INPP5F: variants seen among roughly 807,000 people sequenced by gnomAD.
INPP5F encodes the protein phosphatidylinositide 4-phosphatase SAC2.
In INPP5F, 97 loss-of-function variants were observed where a neutral mutation model predicts 137.2. That is an observed-to-expected ratio of 0.71 (90% CI 0.60 to 0.84). The LOEUF is 0.84. INPP5F is among the 40% of genes least tolerant of loss of function. INPP5F has a pLI of 0.00. For synonymous variants in INPP5F, 504 were observed against 476.9 expected, an observed-to-expected ratio of 1.06 and a Z score of -0.74; for missense variants, 1,271 against 1,371.9, an observed-to-expected ratio of 0.93 and a Z score of 1.16.
At chr10:119,794,597 C>G (rs1200305528) in intron 6 of INPP5F, among the ~76,000 whole-genome samples, 2 of 150,200 alleles carry the variant, frequency 1.3e-5, no homozygotes, top group Non-Finnish European at 1.5e-5. Context: ...TAGGGGCGGC[C>G]GGGCAAAGGC....
chr10:119,741,824 C>T (rs377556108), intron 1 of INPP5F, among the ~76,000 whole-genome samples: 19 of 152,148 alleles, frequency 1.2e-4, no homozygotes, highest in East Asian at 1.2e-3. Context: ...CGTGAGCCAC[C>T]GTGCCTGGCC....
intron 2 of INPP5F, among the ~76,000 whole-genome samples, chr10:119,769,727 T>A (rs572893677): frequency 1.3e-5 from 2 of 152,188 alleles, no homozygotes; most frequent in African/African-American, 4.8e-5. Flanking sequence ...CGGACTCAGA[T>A]TGGGGCTTAA....
At chr10:119,740,303 G>A (rs1848336901) in intron 1 of INPP5F, among the ~76,000 whole-genome samples, 1 of 152,168 alleles carries the variant, frequency 6.6e-6, no homozygotes. Context: ...AGTCATGCTC[G>A]ATTTACCATT....
At chr10:119,822,819 A>G (rs2134298959) in intron 17 of INPP5F, among the ~76,000 whole-genome samples, 1 of 152,330 alleles carries the variant, frequency 6.6e-6, no homozygotes, top group South Asian at 2.1e-4. Context: ...AGTGATAGAT[A>G]TGGTCTTATC....
Position 119,807,932 on chromosome 10 carries a change from C to A in INPP5F, c.1441C>A (p.Leu481Met). ...AIARVVMEQQLKKLGVMPPEQ... is the reference protein window; with the variant it reads ...AIARVVMEQQMKKLGVMPPEQ... ...TAATCCACCAATGTGTTCATTTTAGCTGAAAAAATTAGGTGTGATGCCCCC... is the reference window on the plus strand; with the variant it reads ...TAATCCACCAATGTGTTCATTTTAGATGAAAAAATTAGGTGTGATGCCCCC... Residue 481 changes from leucine (L) to methionine (M), a missense_variant and splice_region_variant, in exon 13 of 20, where the codon CTG (leucine) becomes ATG (methionine). This residue lies in a region of INPP5F where 593 missense variants were observed against 712.4 expected (regional missense o/e 0.83). Coordinates refer to ENST00000650623, the MANE Select transcript of INPP5F (RefSeq NM_014937.4). 6.2e-7 allele frequency: 1 copy of A among 1,607,438 alleles called. No individual in the cohort carries two copies. Among genetic ancestry groups the A allele is most frequent in the South Asian group, 1.1e-5 (1 of 89,764 alleles).
intron 1 of INPP5F, among the ~76,000 whole-genome samples, chr10:119,738,943 A>T (rs1279959481): frequency 2.0e-5 from 3 of 151,692 alleles, no homozygotes; most frequent in South Asian, 4.2e-4. Context: ...GCATTTTGGG[A>T]GGCTGACGTG....
At chr10:119,777,901 C>T (rs190073774) in intron 2 of INPP5F, among the ~76,000 whole-genome samples, 9 of 152,214 alleles carry the variant, frequency 5.9e-5, no homozygotes, top group African/African-American at 7.2e-5. Context: ...ATTTATGAAA[C>T]GCTTAAAGCA....
chr10:119,813,997 T>G (rs541719991), intron 15 of INPP5F, among the ~76,000 whole-genome samples: 1 of 152,342 alleles, frequency 6.6e-6, no homozygotes, highest in African/African-American at 2.4e-5. Context: ...CTCTGTCCAG[T>G]GCCCAGTAAA....
intron 2 of INPP5F, among the ~76,000 whole-genome samples, chr10:119,771,891 T>TATAA (rs1849375223): frequency 2.0e-5 from 1 of 48,862 alleles, no homozygotes; most frequent in Non-Finnish European, 4.1e-5. Context: ...TATTTTTTTT[T>TATAA]TTTTTTTTTT....
chr10:119,804,213 T>C lies in INPP5F; in HGVS notation c.1157T>C (p.Ile386Thr). ...NLVDQAGREK[I>T]IGDAYLKQVL... is the part of the protein sequence containing the mutation. ...GTAGACCAGGCAGGAAGAGAGAAGATTATTGGCGATGCTTACCTGAAGCAA... is the reference window on the plus strand; with the variant it reads ...GTAGACCAGGCAGGAAGAGAGAAGACTATTGGCGATGCTTACCTGAAGCAA... The change falls in exon 10 of 20, where the codon ATT becomes ACT. Residue 386 changes from isoleucine to threonine, a missense_variant. By Grantham distance (89) the Ile-to-Thr change is moderately conservative. Coordinates refer to ENST00000650623, the MANE Select transcript of INPP5F (RefSeq NM_014937.4). 6.2e-7 allele frequency: 1 copy of C among 1,611,114 alleles called. No individual in the cohort carries two copies. The highest frequency in any genetic ancestry group is 8.5e-7 in the Non-Finnish European group (1 of 1,177,758).
At chr10:119,732,116 A>G (rs1848089819) in intron 1 of INPP5F, among the ~76,000 whole-genome samples, 1 of 144,280 alleles carries the variant, frequency 6.9e-6, no homozygotes, top group Non-Finnish European at 1.5e-5. Flanking sequence ...TGCAACTGCA[A>G]CCTCGGCCTC....
Position 119,827,357 on chromosome 10 carries a change from C to T in INPP5F, c.2976C>T (p.Thr992=), listed in dbSNP as rs1851807434. The part of the protein sequence containing the change: ...QQASQERNQM[T]NQVSNETQSE... ...CTAGTCAGGAAAGAAATCAAATGACCAATCAAGTTTCAAATGAAACCCAAT... is the reference window on the plus strand; with the variant it reads ...CTAGTCAGGAAAGAAATCAAATGACTAATCAAGTTTCAAATGAAACCCAAT... The change falls in exon 20 of 20, where the codon ACC becomes ACT. Residue 992 remains threonine (T), a synonymous_variant. Coordinates refer to ENST00000650623, the MANE Select transcript of INPP5F (RefSeq NM_014937.4). 2 of 1,614,058 alleles carry T rather than the reference C, an allele frequency of 1.2e-6. No homozygotes were observed. The highest frequency in any genetic ancestry group is 1.1e-5 in the South Asian group (1 of 91,082).
At chr10:119,742,975 AGAGT>A (rs1207895610) in intron 1 of INPP5F, among the ~76,000 whole-genome samples, 1 of 152,160 alleles carries the variant, frequency 6.6e-6, no homozygotes, top group Non-Finnish European at 1.5e-5. Context: ...CTGGGCGACA[AGAGT>A]GAAACTCCAT....
chr10:119,818,241 G>A (rs1337351812), intron 15 of INPP5F, among the ~76,000 whole-genome samples: 4 of 152,228 alleles, frequency 2.6e-5, no homozygotes, highest in African/African-American at 9.6e-5. Context: ...TCGACAGCGG[G>A]AAAGAGGCTC....
At chr10:119,728,837 T>A (rs1298145071) in intron 1 of INPP5F, among the ~76,000 whole-genome samples, 1 of 152,232 alleles carries the variant, frequency 6.6e-6, no homozygotes, top group Non-Finnish European at 1.5e-5. Flanking sequence ...ACCTTTATTG[T>A]GTTTCCAGGC....
At chr10:119,812,436 T>C (rs1851080439) in intron 15 of INPP5F, among the ~76,000 whole-genome samples, 1 of 151,484 alleles carries the variant, frequency 6.6e-6, no homozygotes, top group Non-Finnish European at 1.5e-5. Flanking sequence ...TATCAATGAA[T>C]AGTGGGATCT....
At chr10:119,816,107 T>C (rs17099316) in intron 15 of INPP5F, 9,903 of 152,344 alleles carry the variant, frequency 0.065, 369 homozygotes, top group Admixed American at 0.11. Context: ...GGTATTTTTC[T>C]AATGGAAGGC....
At chr10:119,825,687 T>C (rs1851729208) in intron 19 of INPP5F, among the ~76,000 whole-genome samples, 1 of 152,244 alleles carries the variant, frequency 6.6e-6, no homozygotes, top group African/African-American at 2.4e-5. Flanking sequence ...GGAAAAAGAA[T>C]GCCTATCAAC....
chr10:119,734,278 A>T (rs1848163043), intron 1 of INPP5F, among the ~76,000 whole-genome samples: 1 of 152,172 alleles, frequency 6.6e-6, no homozygotes, highest in Non-Finnish European at 1.5e-5. Flanking sequence ...TGCAGATAAT[A>T]CTGGACTACT....
Sources: allele counts gnomAD v4.1 joint callset (sites outside exome capture counted in the v4.1 genomes callset), GRCh38; gene constraint gnomAD v4.1.1; regional missense constraint gnomAD v4.1.1; transcripts MANE v1.5; gene names NCBI Gene and HGNC (gene_info 2026-07-23, HGNC 2026-07-21).